RNU6-2: variants seen among roughly 807,000 people sequenced by gnomAD.
RNU6-2 encodes the protein RNA, U6B small nuclear.
exon 1 of RNU6-2, chr19:1,021,577 A>C (rs1340876994): frequency 6.6e-6 from 1 of 152,172 alleles, no homozygotes; most frequent in African/African-American, 2.4e-5. Context: ...GAAGATTAGC[A>C]TGGCCCCTGC....
At chr19:1,021,575 G>GC (rs2039301709) in exon 1 of RNU6-2, 1 of 152,254 alleles carries the variant, frequency 6.6e-6, no homozygotes, top group African/African-American at 2.4e-5. Context: ...GAGAAGATTA[G>GC]CATGGCCCCT....
At position 1,021,536 on chromosome 19, in the gene RNU6-2, A is replaced by G. The variant is rs907992405; in HGVS notation, n.15A>G. On this transcript the variant is annotated non_coding_transcript_exon_variant, in exon 1 of 1. Coordinates refer to ENST00000384627, the Ensembl canonical transcript of RNU6-2. ...ACCCTTGAGTCGTGCTCGCTTCGGC[A>G]GCACATATACTAAAATTGGAACGAT... 28 of 152,420 alleles carry G rather than the reference A, an allele frequency of 1.8e-4. 1 individual carries two copies. The highest frequency in any genetic ancestry group is 6.5e-4 in the African/African-American group (27 of 41,560). The allele number at this position is 152,420 out of a possible 1,614,324, so 9.4% of individuals were successfully genotyped here.
At chr19:1,021,593 G>C (rs906305103) in exon 1 of RNU6-2, 1 of 152,288 alleles carries the variant, frequency 6.6e-6, no homozygotes, top group African/African-American at 2.4e-5. Flanking sequence ...CCTGCGCAAG[G>C]ATGACACGCA....
chr19:1,021,594 A>C (rs1379245973), exon 1 of RNU6-2: 1 of 152,310 alleles, frequency 6.6e-6, no homozygotes, highest in Non-Finnish European at 1.5e-5. Flanking sequence ...CTGCGCAAGG[A>C]TGACACGCAA....
exon 1 of RNU6-2, chr19:1,021,552 T>G (rs1050477034): frequency 6.6e-6 from 1 of 152,280 alleles, no homozygotes; most frequent in Non-Finnish European, 1.5e-5. Flanking sequence ...TATACTAAAA[T>G]TGGAACGATA....
At chr19:1,021,608 C>T (rs200132485) in exon 1 of RNU6-2, 3 of 152,234 alleles carry the variant, frequency 2.0e-5, no homozygotes, top group Non-Finnish European at 2.9e-5. Flanking sequence ...CACGCAAATT[C>T]GTGAAGCGTT....
chr19:1,021,558 C>A (rs753499978), exon 1 of RNU6-2: 1 of 152,272 alleles, frequency 6.6e-6, no homozygotes, highest in Non-Finnish European at 1.5e-5. Flanking sequence ...AAAATTGGAA[C>A]GATACAGAGA....
exon 1 of RNU6-2, chr19:1,021,566 A>G (rs902959463): frequency 2.0e-5 from 3 of 152,242 alleles, no homozygotes; most frequent in African/African-American, 7.2e-5. Flanking sequence ...AACGATACAG[A>G]GAAGATTAGC....
At chr19:1,021,619 C>G (rs557674903) in exon 1 of RNU6-2, 2 of 152,336 alleles carry the variant, frequency 1.3e-5, no homozygotes, top group African/African-American at 2.4e-5. Flanking sequence ...GTGAAGCGTT[C>G]CATATTTTTG....
chr19:1,021,614 G>A (rs1599497640), exon 1 of RNU6-2: 1 of 152,258 alleles, frequency 6.6e-6, no homozygotes, highest in African/African-American at 2.4e-5. Context: ...AATTCGTGAA[G>A]CGTTCCATAT....
exon 1 of RNU6-2, chr19:1,021,554 G>GA (rs559296632): frequency 2.6e-5 from 4 of 152,302 alleles, no homozygotes; most frequent in East Asian, 3.8e-4. Flanking sequence ...TACTAAAATT[G>GA]GAACGATACA....
At chr19:1,021,551 A>G (rs1362256365) in exon 1 of RNU6-2, 4 of 152,298 alleles carry the variant, frequency 2.6e-5, no homozygotes, top group Admixed American at 2.0e-4. Flanking sequence ...ATATACTAAA[A>G]TTGGAACGAT....
chr19:1,021,545 A>T (rs763807641), exon 1 of RNU6-2: 1 of 152,262 alleles, frequency 6.6e-6, no homozygotes, highest in Non-Finnish European at 1.5e-5. Context: ...CAGCACATAT[A>T]CTAAAATTGG....
chr19:1,021,567 G>C (rs1032026977), exon 1 of RNU6-2: 2 of 152,276 alleles, frequency 1.3e-5, no homozygotes, highest in Non-Finnish European at 2.9e-5. Context: ...ACGATACAGA[G>C]AAGATTAGCA....
chr19:1,021,554 G>GTT (rs559296632), exon 1 of RNU6-2: 11 of 152,420 alleles, frequency 7.2e-5, no homozygotes, highest in African/African-American at 2.6e-4. Flanking sequence ...TACTAAAATT[G>GTT]GAACGATACA....
exon 1 of RNU6-2, chr19:1,021,574 A>AG (rs1278835358): frequency 1.3e-5 from 2 of 152,324 alleles, no homozygotes; most frequent in Non-Finnish European, 2.9e-5. Context: ...AGAGAAGATT[A>AG]GCATGGCCCC....
chr19:1,021,605 A>T (rs947018324), exon 1 of RNU6-2: 3 of 152,292 alleles, frequency 2.0e-5, no homozygotes, highest in Non-Finnish European at 1.5e-5. Flanking sequence ...TGACACGCAA[A>T]TTCGTGAAGC....
exon 1 of RNU6-2, chr19:1,021,581 C>G (rs142541219): frequency 6.6e-6 from 1 of 152,252 alleles, no homozygotes; most frequent in Non-Finnish European, 1.5e-5. Context: ...ATTAGCATGG[C>G]CCCTGCGCAA....
chr19:1,021,604 A>T (rs1310207726), exon 1 of RNU6-2: 2 of 152,286 alleles, frequency 1.3e-5, no homozygotes, highest in Non-Finnish European at 1.5e-5. Flanking sequence ...ATGACACGCA[A>T]ATTCGTGAAG....
Sources: gnomAD v4.1 joint callset for allele counts on GRCh38, gnomAD v4.1.1 for gene constraint, MANE v1.5 for transcripts, NCBI Gene and HGNC (gene_info 2026-07-23, HGNC 2026-07-21) for gene names.